Variants in CDH13 observed in about 807,000 individuals in gnomAD.
CDH13 encodes cadherin 13, also known as cadherin-13.
In CDH13, 24 loss-of-function variants were observed where a neutral mutation model predicts 63.8. That is an observed-to-expected ratio of 0.38 (90% CI 0.27 to 0.53). The LOEUF is 0.53. Ranked by LOEUF, CDH13 falls within the 20% of genes least tolerant of loss-of-function variation. The pLI, the probability that CDH13 is intolerant of heterozygous loss-of-function variation, is 0.85. For synonymous variants in CDH13, 503 were observed against 355.3 expected (o/e 1.42, Z -4.67); for missense variants, 1,049 against 903.1 (o/e 1.16, Z -2.07).
intron 6 of CDH13, among the ~76,000 whole-genome samples, chr16:83,437,684 T>A (rs750328268): frequency 2.0e-5 from 3 of 151,614 alleles, no homozygotes; most frequent in African/African-American, 4.9e-5. Context: ...TCCAAAAAAA[T>A]TAAATTAAAA....
intron 1 of CDH13, among the ~76,000 whole-genome samples, chr16:82,736,887 G>T (rs912241271): frequency 4.6e-5 from 7 of 152,108 alleles, no homozygotes; most frequent in African/African-American, 1.4e-4. Flanking sequence ...TCCTTTCATT[G>T]TGTTGTAGTT....
chr16:82,738,785 A>G (rs780492850), intron 1 of CDH13, among the ~76,000 whole-genome samples: 29 of 152,322 alleles, frequency 1.9e-4, no homozygotes, highest in Non-Finnish European at 3.7e-4. Context: ...AAAATTTCAT[A>G]TAACCTTGGT....
Position 83,435,073 on chromosome 16 carries a change from G to A in CDH13, c.782-51404G>A, listed in dbSNP as rs28534541. Among the ~76,000 whole-genome samples, 15 of 150,576 alleles carry A rather than the reference G, an allele frequency of 1.0e-4. No homozygotes were observed. In the East Asian group the frequency reaches 1.9e-3, roughly 20 times the overall value. ...CAGAGAGAGATATCGAGAGAGTTTCGCTCCTGTTTTTCTCTCAGGCTGAAG... is the reference window on the plus strand; with the variant it reads ...CAGAGAGAGATATCGAGAGAGTTTCACTCCTGTTTTTCTCTCAGGCTGAAG... On this transcript the variant is annotated intron_variant, in intron 6 of 13. Transcript: ENST00000567109.
At chr16:83,335,021 C>T (rs1462854790) in intron 5 of CDH13, among the ~76,000 whole-genome samples, 1 of 152,094 alleles carries the variant, frequency 6.6e-6, no homozygotes, top group African/African-American at 2.4e-5. Context: ...TTATCATTTC[C>T]TGTCTTATCA....
Position 83,395,553 on chromosome 16 carries a change from G to T in CDH13, c.781+50547G>T, listed in dbSNP as rs555619010. On this transcript the variant is annotated intron_variant, in intron 6 of 13. Transcript: ENST00000567109. ...AGGTACAACTATTACTCTTCCAGAAGAGGCTCTCCCCAACCCTCCCACATT... is the reference window on the plus strand; with the variant it reads ...AGGTACAACTATTACTCTTCCAGAATAGGCTCTCCCCAACCCTCCCACATT... Among the ~76,000 whole-genome samples, 19 of 152,262 alleles carry T rather than the reference G, an allele frequency of 1.2e-4. No individual in the cohort carries two copies. In the East Asian group the frequency reaches 1.7e-3, roughly 14 times the overall value.
chr16:82,665,834 G>A (rs1265647318), intron 1 of CDH13, among the ~76,000 whole-genome samples: 2 of 151,962 alleles, frequency 1.3e-5, no homozygotes, highest in South Asian at 4.2e-4. Context: ...CCTACAGGAG[G>A]GCAAAATCAT....
chr16:83,766,476 C>G (rs1914395237), intron 11 of CDH13, among the ~76,000 whole-genome samples: 1 of 152,224 alleles, frequency 6.6e-6, no homozygotes, highest in Non-Finnish European at 1.5e-5. Context: ...TCCCTGTTCT[C>G]TGTCTTCCTA....
chr16:83,209,715 C>G (rs539941345), intron 4 of CDH13, among the ~76,000 whole-genome samples: 7 of 152,190 alleles, frequency 4.6e-5, no homozygotes, highest in African/African-American at 1.7e-4. Context: ...GGGACAGTTA[C>G]CACCACCCAC....
At chr16:83,096,336 C>G (rs1259236359) in intron 3 of CDH13, among the ~76,000 whole-genome samples, 1 of 152,154 alleles carries the variant, frequency 6.6e-6, no homozygotes, top group East Asian at 1.9e-4. Flanking sequence ...GACATTATCC[C>G]AGAGAGAAGG....
At chr16:83,000,619 T>G (rs1912816182) in intron 2 of CDH13, among the ~76,000 whole-genome samples, 1 of 148,638 alleles carries the variant, frequency 6.7e-6, no homozygotes, top group Non-Finnish European at 1.5e-5. Context: ...AGAGGGAGTC[T>G]CGTTCTGTTG....
chr16:83,182,065 C>A (rs538975640), intron 4 of CDH13, among the ~76,000 whole-genome samples: 1 of 152,182 alleles, frequency 6.6e-6, no homozygotes, highest in African/African-American at 2.4e-5. Flanking sequence ...TGTGCATTGT[C>A]TGGTACTCAG....
At chr16:83,009,036 G>A (rs916196298) in intron 2 of CDH13, among the ~76,000 whole-genome samples, 1 of 152,180 alleles carries the variant, frequency 6.6e-6, no homozygotes, top group Non-Finnish European at 1.5e-5. Context: ...ACAACAGCAT[G>A]GGGGAAACTA....
chr16:82,811,378 G>C (rs2037438221), intron 1 of CDH13, among the ~76,000 whole-genome samples: 1 of 152,106 alleles, frequency 6.6e-6, no homozygotes, highest in African/African-American at 2.4e-5. Context: ...TTTGGTGGCA[G>C]GTTTAGTAAC....
intron 5 of CDH13, among the ~76,000 whole-genome samples, chr16:83,270,065 T>C (rs1157450307): frequency 1.3e-5 from 2 of 152,254 alleles, no homozygotes; most frequent in Admixed American, 6.5e-5. Context: ...CTGGTTTCTC[T>C]TTGGAAATTA....
intron 7 of CDH13, among the ~76,000 whole-genome samples, chr16:83,592,358 A>T (rs1429188886): frequency 6.6e-6 from 1 of 152,170 alleles, no homozygotes; most frequent in African/African-American, 2.4e-5. Context: ...ATCTCTCTGG[A>T]CCAGAAATGC....
At chr16:83,081,282 C>G (rs1466702272) in intron 3 of CDH13, among the ~76,000 whole-genome samples, 1 of 152,018 alleles carries the variant, frequency 6.6e-6, no homozygotes, top group African/African-American at 2.4e-5. Flanking sequence ...GTAGAAGACC[C>G]AAGAGATATA....
intron 10 of CDH13, among the ~76,000 whole-genome samples, chr16:83,690,276 G>T (rs1316365156): frequency 6.6e-6 from 1 of 152,228 alleles, no homozygotes; most frequent in African/African-American, 2.4e-5. Context: ...CATAGTAACT[G>T]GTGATTAATG....
At position 82,807,105 on chromosome 16, in the gene CDH13, T is replaced by C. The variant is rs2151171960; in HGVS notation, c.46-51257T>C. ...GATCATGCCTTTTTTTTTTTTTTTC[T>C]TAAGAAAAAACTTAAATTGCTTTTA... On this transcript the variant is annotated intron_variant, in intron 1 of 13. Coordinates refer to ENST00000567109, the MANE Select transcript of CDH13 (RefSeq NM_001257.5). Among the ~76,000 whole-genome samples the C allele has an allele frequency of 2.2e-5, 3 of 135,912 alleles. 1 individual carries two copies. In the South Asian group the frequency reaches 7.2e-4, roughly 33 times the overall value. 89.2% of individuals were successfully genotyped at this position (135,912 alleles called of 152,430 possible).
chr16:82,695,069 G>A (rs573987179), intron 1 of CDH13, among the ~76,000 whole-genome samples: 2 of 152,266 alleles, frequency 1.3e-5, no homozygotes, highest in East Asian at 1.9e-4. Flanking sequence ...CGTGGGCAAA[G>A]TCCTGTCGGC....
Sources: allele counts gnomAD v4.1 joint callset (sites outside exome capture counted in the v4.1 genomes callset), GRCh38; gene constraint gnomAD v4.1.1; transcripts MANE v1.5; gene names NCBI Gene and HGNC (gene_info 2026-07-23, HGNC 2026-07-21).